Variants in NKAIN3 observed in about 807,000 individuals in gnomAD.
NKAIN3 encodes the protein sodium/potassium-transporting ATPase subunit beta-1-interacting protein 3.
In NKAIN3, 25 loss-of-function variants were observed where a neutral mutation model predicts 30.2. The ratio of observed to expected loss-of-function variants is 0.83; its 90% confidence interval spans 0.60 to 1.16. The LOEUF (loss-of-function observed/expected upper bound fraction) is 1.16. Ranked by LOEUF, NKAIN3 falls within the 50% of genes most tolerant of loss-of-function variation. The pLI is 0.00. For missense variants in NKAIN3, 225 were observed against 254.1 expected (o/e 0.89, Z 0.78); for synonymous variants, 91 against 89.6 (o/e 1.02, Z -0.09).
In NKAIN3 at chr8:62,930,390, A is replaced by T. The variant is rs532851589; in HGVS notation, c.532+11877A>T. On this transcript the variant is annotated intron_variant, in intron 5 of 6. Coordinates refer to ENST00000623646, the MANE Select transcript of NKAIN3 (RefSeq NM_001304533.3). ...TGCCTCAGCCTCCTGAGTAGCTGGG[A>T]TTACAGGCGCCTGACACCATGCCCG... 2.4e-4 allele frequency among the ~76,000 whole-genome samples: 37 copies of T among 151,984 alleles called. No individual in the cohort carries two copies. The East Asian group carries it at 6.3e-3, about 26-fold the overall frequency.
intron 1 of NKAIN3, among the ~76,000 whole-genome samples, chr8:62,576,627 T>C (rs1040295891): frequency 6.6e-6 from 1 of 152,146 alleles, no homozygotes; most frequent in Non-Finnish European, 1.5e-5. Context: ...AACATGCATA[T>C]AAACAAATTC....
At chr8:62,633,760 C>G (rs1366999656) in intron 3 of NKAIN3, among the ~76,000 whole-genome samples, 1 of 152,136 alleles carries the variant, frequency 6.6e-6, no homozygotes, top group Non-Finnish European at 1.5e-5. Context: ...CTCACACTGG[C>G]AGAACCCCAC....
intron 5 of NKAIN3, 69 bp downstream of exon 5, chr8:62,918,582 A>T: frequency 1.0e-6 from 1 of 990,560 alleles, no homozygotes; most frequent in Non-Finnish European, 1.6e-6. Flanking sequence ...ACTAATCATT[A>T]CAGGGCTATG....
At chr8:62,332,034 T>C (rs570283040) in intron 1 of NKAIN3, among the ~76,000 whole-genome samples, 176 of 152,248 alleles carry the variant, frequency 1.2e-3, no homozygotes, top group African/African-American at 4.1e-3. Flanking sequence ...ATTTTGATTC[T>C]AATAGCAAGC....
At chr8:62,720,293 T>C (rs1003996083) in intron 3 of NKAIN3, among the ~76,000 whole-genome samples, 1 of 152,312 alleles carries the variant, frequency 6.6e-6, no homozygotes, top group African/African-American at 2.4e-5. Context: ...TTTATACATT[T>C]ACATTAAATT....
chr8:62,370,229 A>T (rs1158820796), intron 1 of NKAIN3, among the ~76,000 whole-genome samples: 1 of 152,026 alleles, frequency 6.6e-6, no homozygotes, highest in African/African-American at 2.4e-5. Context: ...AAAAATAATA[A>T]CTTAAAAAAA....
At chr8:62,580,942 C>T (rs557671461) in intron 2 of NKAIN3, among the ~76,000 whole-genome samples, 52 of 144,402 alleles carry the variant, frequency 3.6e-4, no homozygotes, top group Non-Finnish European at 6.7e-4. Flanking sequence ...CCAGTGTCTA[C>T]AAAAAAATAC....
At chr8:62,728,850 C>T (rs1241138530) in intron 3 of NKAIN3, among the ~76,000 whole-genome samples, 1 of 149,896 alleles carries the variant, frequency 6.7e-6, no homozygotes, top group East Asian at 2.0e-4. Flanking sequence ...ATTAGCCAGG[C>T]GTGGTGGCGG....
chr8:62,507,688 ACT>A (rs557487819), intron 1 of NKAIN3, among the ~76,000 whole-genome samples: 112 of 152,250 alleles, frequency 7.4e-4, no homozygotes, highest in African/African-American at 2.7e-3. Context: ...GATTTATATG[ACT>A]CTCTTTTCCT....
chr8:62,665,320 C>T (rs1334473916), intron 3 of NKAIN3, among the ~76,000 whole-genome samples: 4 of 151,868 alleles, frequency 2.6e-5, no homozygotes, highest in Non-Finnish European at 4.4e-5. Flanking sequence ...CTTATTTAGG[C>T]CTTATGTAAG....
At chr8:62,415,143 G>T (rs1382231451) in intron 1 of NKAIN3, among the ~76,000 whole-genome samples, 1 of 107,764 alleles carries the variant, frequency 9.3e-6, no homozygotes, top group African/African-American at 3.3e-5. Context: ...TAGTATATAT[G>T]TATTATATAC....
intron 1 of NKAIN3, among the ~76,000 whole-genome samples, chr8:62,428,292 T>C (rs1804881609): frequency 6.6e-6 from 1 of 152,014 alleles, no homozygotes; most frequent in Admixed American, 6.6e-5. Flanking sequence ...TGAATGGTTC[T>C]TCAATAAACA....
intron 1 of NKAIN3, among the ~76,000 whole-genome samples, chr8:62,545,747 C>A (rs903287400): frequency 2.0e-5 from 3 of 152,108 alleles, no homozygotes; most frequent in Admixed American, 2.0e-4. Flanking sequence ...TTTACTGTTA[C>A]ACAAAACACT....
chr8:62,388,110 G>A (rs1374484595), intron 1 of NKAIN3, among the ~76,000 whole-genome samples: 1 of 152,058 alleles, frequency 6.6e-6, no homozygotes, highest in African/African-American at 2.4e-5. Flanking sequence ...ATTTTAAATA[G>A]TTACAGGCCA....
intron 1 of NKAIN3, among the ~76,000 whole-genome samples, chr8:62,396,817 C>A (rs531233042): frequency 2.6e-5 from 4 of 152,234 alleles, no homozygotes; most frequent in African/African-American, 9.6e-5. Flanking sequence ...CTTCTTATTG[C>A]GGCTTTGTTT....
intron 4 of NKAIN3, among the ~76,000 whole-genome samples, chr8:62,791,801 C>A (rs962957221): frequency 1.3e-5 from 2 of 152,060 alleles, no homozygotes; most frequent in African/African-American, 4.8e-5. Flanking sequence ...AAATTAACAG[C>A]ACTACCTTAC....
intron 5 of NKAIN3, among the ~76,000 whole-genome samples, chr8:62,932,045 C>A (rs541570018): frequency 1.2e-4 from 19 of 152,204 alleles, no homozygotes; most frequent in African/African-American, 3.9e-4. Flanking sequence ...AGTCCAGAGG[C>A]AAAATATTAT....
intron 1 of NKAIN3, among the ~76,000 whole-genome samples, chr8:62,575,458 T>G (rs1421747478): frequency 1.3e-5 from 2 of 151,962 alleles, no homozygotes; most frequent in African/African-American, 4.8e-5. Flanking sequence ...TGAAAGAAAT[T>G]TTAAGAGGAC....
chr8:62,901,668 A>G (rs1302711242), intron 4 of NKAIN3, among the ~76,000 whole-genome samples: 2 of 152,178 alleles, frequency 1.3e-5, no homozygotes, highest in Non-Finnish European at 2.9e-5. Context: ...ACGTCCCGCA[A>G]GTTAGGAAGG....
Sources: gnomAD v4.1 joint callset for allele counts (sites outside exome capture counted in the v4.1 genomes callset) on GRCh38, gnomAD v4.1.1 for gene constraint, MANE v1.5 for transcripts, NCBI Gene and HGNC (gene_info 2026-07-23, HGNC 2026-07-21) for gene names.